The following SLC24A2 variants were observed in gnomAD, a reference collection of about 807,000 sequenced individuals.
The protein encoded by SLC24A2 is sodium/potassium/calcium exchanger 2.
In SLC24A2, 36 loss-of-function variants were observed where a neutral mutation model predicts 62.0. The ratio of observed to expected loss-of-function variants is 0.58; its 90% CI spans 0.44 to 0.77. SLC24A2 has a LOEUF of 0.77. SLC24A2 is among the 30% of genes least tolerant of loss of function. The probability of loss-of-function intolerance (pLI) is 0.00; values close to 1 mark genes in which losing one functional copy is unlikely to be tolerated. For missense variants in SLC24A2, 846 were observed against 817.9 expected, an observed-to-expected ratio of 1.03 and a Z score of -0.42; for synonymous variants, 358 against 294.0, an observed-to-expected ratio of 1.22 and a Z score of -2.23.
the SLC24A2 span, among the ~76,000 whole-genome samples, chr9:20,009,446 C>T: frequency 6.7e-6 from 1 of 149,460 alleles, no homozygotes; most frequent in South Asian, 2.2e-4. Context: ...TCACACAAAT[C>T]TTGGTAGTTG....
At chr9:20,241,346 G>A in the SLC24A2 span, among the ~76,000 whole-genome samples, 5 of 152,166 alleles carry the variant, frequency 3.3e-5, no homozygotes, top group Non-Finnish European at 7.3e-5. Flanking sequence ...AATTCAGCAG[G>A]TATTTGTTGA....
the SLC24A2 span, among the ~76,000 whole-genome samples, chr9:20,099,237 A>G: frequency 8.5e-4 from 129 of 152,334 alleles, no homozygotes; most frequent in Admixed American, 2.0e-3. Flanking sequence ...ATGTTAATAT[A>G]GTTCTATCCA....
chr9:19,871,586 T>C, the SLC24A2 span, among the ~76,000 whole-genome samples: 1 of 152,210 alleles, frequency 6.6e-6, no homozygotes, highest in Non-Finnish European at 1.5e-5. Flanking sequence ...TTATTCATAT[T>C]TGTATATGTG....
the SLC24A2 span, among the ~76,000 whole-genome samples, chr9:20,055,106 T>C: frequency 6.6e-6 from 1 of 152,158 alleles, no homozygotes. Context: ...GTTATGAGCA[T>C]TCAGACAGGC....
At position 19,509,112 on chromosome 9, in the gene SLC24A2, G is replaced by A. The variant is rs185891565; in HGVS notation, c.*7041C>T. On this transcript the variant is annotated 3_prime_UTR_variant, in exon 11 of 11. Transcript: ENST00000341998. ...CTCAAACACATCCTACATTTCCCAG[G>A]TATATGTTTGCTAATTATCTATTTC... The A allele has an allele frequency of 3.0e-4, 46 of 152,064 alleles. No homozygotes were observed. In the East Asian group the frequency reaches 8.5e-3, roughly 28 times the overall value. The allele number at this position is 152,064 out of a possible 1,614,324, so 9.4% of individuals were successfully genotyped here.
At position 19,570,540 on chromosome 9, in the gene SLC24A2, T is replaced by C. The variant is rs568782319; in HGVS notation, c.1347+2811A>G. 2.0e-5 allele frequency among the ~76,000 whole-genome samples: 3 copies of C among 152,194 alleles called. No homozygotes were observed. In the South Asian group the frequency reaches 6.2e-4, roughly 32 times the overall value. On this transcript the variant is annotated intron_variant, in intron 7 of 10. Coordinates refer to ENST00000341998, the MANE Select transcript of SLC24A2 (RefSeq NM_020344.4). ...ATTTATACCCTGAATACTCCCCAAA[T>C]ATTATATACATAAAACCATTTCACT...
At chr9:19,624,625 T>C (rs1037479731) in intron 2 of SLC24A2, among the ~76,000 whole-genome samples, 1 of 152,186 alleles carries the variant, frequency 6.6e-6, no homozygotes, top group African/African-American at 2.4e-5. Flanking sequence ...AATATCCCAC[T>C]GTTTAATGTC....
chr9:19,662,142 C>T (rs1819119747), intron 2 of SLC24A2, among the ~76,000 whole-genome samples: 1 of 152,114 alleles, frequency 6.6e-6, no homozygotes, highest in African/African-American at 2.4e-5. Context: ...CTAGTAACCA[C>T]ATTATAAAAG....
At chr9:20,225,829 C>T in the SLC24A2 span, among the ~76,000 whole-genome samples, 1 of 151,598 alleles carries the variant, frequency 6.6e-6, no homozygotes, top group Admixed American at 6.6e-5. Flanking sequence ...CTCTCAATGG[C>T]CATGGGTCTG....
At chr9:19,885,551 A>C in the SLC24A2 span, among the ~76,000 whole-genome samples, 2 of 152,198 alleles carry the variant, frequency 1.3e-5, no homozygotes, top group Non-Finnish European at 2.9e-5. Context: ...TGCAGCTTGT[A>C]TGTGGTGTAG....
At chr9:19,876,592 A>G in the SLC24A2 span, among the ~76,000 whole-genome samples, 1 of 152,112 alleles carries the variant, frequency 6.6e-6, no homozygotes, top group Non-Finnish European at 1.5e-5. Flanking sequence ...GATGTCTCCA[A>G]TTTATAGTGA....
At chr9:19,581,710 G>A (rs1279896284) in intron 5 of SLC24A2, among the ~76,000 whole-genome samples, 1 of 152,210 alleles carries the variant, frequency 6.6e-6, no homozygotes, top group African/African-American at 2.4e-5. Context: ...GACCTTGGTG[G>A]TAAAGGGATT....
At chr9:19,852,415 A>T in the SLC24A2 span, among the ~76,000 whole-genome samples, 3 of 152,186 alleles carry the variant, frequency 2.0e-5, no homozygotes, top group Non-Finnish European at 4.4e-5. Context: ...CCTGAATGGC[A>T]TTGCCTAGAT....
rs1467840069 is a variant in SLC24A2, at chr9:19,761,476, T to TATTTG, written c.930+24460_930+24461insCAAAT. ...ATGTCATTTTTTAATTTTTTTATTT[T>TATTTG]ATTTTATTTTATTTTATTATTATAC... On this transcript the variant is annotated intron_variant, in intron 2 of 10. Coordinates refer to ENST00000341998, the MANE Select transcript of SLC24A2 (RefSeq NM_020344.4). Among the ~76,000 whole-genome samples, 4 of 151,678 alleles carry TATTTG rather than the reference T, an allele frequency of 2.6e-5. No homozygotes were observed. In the South Asian group the frequency reaches 6.2e-4, roughly 24 times the overall value.
At position 19,593,877 on chromosome 9, in the gene SLC24A2, T is replaced by C. The variant is rs141681857; in HGVS notation, c.1129+3352A>G. On this transcript the variant is annotated intron_variant, in intron 5 of 10. Coordinates refer to ENST00000341998, the MANE Select transcript of SLC24A2 (RefSeq NM_020344.4). Reference sequence around the variant, plus strand: ...TTCCTCATCTAATAAAATAACTCTTTGAGCCTTGGTTTTCTCCTCTTCAAT... The same window carrying C: ...TTCCTCATCTAATAAAATAACTCTTCGAGCCTTGGTTTTCTCCTCTTCAAT... Among the ~76,000 whole-genome samples, 58 of 152,288 alleles carry C rather than the reference T, an allele frequency of 3.8e-4. 1 individual carries two copies. Among genetic ancestry groups the C allele is most frequent in the African/African-American group, 1.4e-3 (57 of 41,562 alleles).
chr9:19,820,028 CATATATATATAT>C, the SLC24A2 span, among the ~76,000 whole-genome samples: 1,134 of 54,578 alleles, frequency 0.021, 11 homozygotes, highest in Middle Eastern at 0.043. Flanking sequence ...TATATATACA[CATATATATATAT>C]ACATATATAT....
chr9:19,590,376 C>T (rs1171466471), intron 5 of SLC24A2, among the ~76,000 whole-genome samples: 1 of 152,068 alleles, frequency 6.6e-6, no homozygotes, highest in East Asian at 1.9e-4. Flanking sequence ...TCTTTGTCTT[C>T]TTGCTCCTAC....
chr9:20,058,527 T>G, the SLC24A2 span, among the ~76,000 whole-genome samples: 133 of 130,322 alleles, frequency 1.0e-3, no homozygotes, highest in Non-Finnish European at 1.8e-3. Context: ...ACACAAATAT[T>G]TGGGAAAGAC....
chr9:19,767,106 G>A (rs762340385), intron 2 of SLC24A2, among the ~76,000 whole-genome samples: 6 of 152,132 alleles, frequency 3.9e-5, no homozygotes, highest in Non-Finnish European at 7.3e-5. Flanking sequence ...GGGAAAAAAC[G>A]CCTACTGAAG....
Sources: gnomAD v4.1 joint callset for allele counts (sites outside exome capture counted in the v4.1 genomes callset) on GRCh38, gnomAD v4.1.1 for gene constraint, MANE v1.5 for transcripts, NCBI Gene and HGNC (gene_info 2026-07-23, HGNC 2026-07-21) for gene names.